GPHN: variants seen among roughly 807,000 people sequenced by gnomAD.
GPHN encodes gephyrin.
A neutral mutation model predicts 95.5 loss-of-function variants in GPHN; 17 were observed. The observed-to-expected ratio is 0.18, with a 90% CI of 0.12 to 0.27. The LOEUF is 0.27. GPHN is among the 10% of genes least tolerant of loss of function. The pLI is 1.00. For missense variants in GPHN, 660 were observed against 978.1 expected (o/e 0.67, Z 4.34); for synonymous variants, 320 against 322.5 (o/e 0.99, Z 0.08).
intron 10 of GPHN, among the ~76,000 whole-genome samples, 156 bp from the exon 11 acceptor site, chr14:67,058,493 G>C (rs1193210150): frequency 6.6e-6 from 1 of 152,220 alleles, no homozygotes; most frequent in African/African-American, 2.4e-5. Flanking sequence ...TGTTCCACCA[G>C]AGCAGGCTGT....
chr14:67,528,682 C>T, the GPHN span, among the ~76,000 whole-genome samples: 1 of 152,180 alleles, frequency 6.6e-6, no homozygotes, highest in Non-Finnish European at 1.5e-5. Flanking sequence ...CCATTAAGCC[C>T]CCATTCACCT....
chr14:67,226,648 A>G, the GPHN span, among the ~76,000 whole-genome samples: 1 of 144,178 alleles, frequency 6.9e-6, no homozygotes, highest in Non-Finnish European at 1.5e-5. Context: ...GGCGTGAGCC[A>G]CTGTGCCTGG....
the GPHN span, among the ~76,000 whole-genome samples, chr14:67,282,333 C>T: frequency 6.6e-6 from 1 of 152,130 alleles, no homozygotes; most frequent in African/African-American, 2.4e-5. Context: ...GCCTTTTTCA[C>T]ATCTAGAAAC....
chr14:66,752,286 C>T (rs944022393), intron 2 of GPHN, among the ~76,000 whole-genome samples: 7 of 152,094 alleles, frequency 4.6e-5, no homozygotes, highest in Admixed American at 1.3e-4. Flanking sequence ...TTTTCAAAAA[C>T]TTTCCCTTTG....
intron 2 of GPHN, among the ~76,000 whole-genome samples, chr14:66,765,826 G>A (rs2058944484): frequency 6.6e-6 from 1 of 151,962 alleles, no homozygotes; most frequent in South Asian, 2.1e-4. Flanking sequence ...TCTACATATA[G>A]TCATCTATTT....
At chr14:67,601,088 AAG>A in the GPHN span, among the ~76,000 whole-genome samples, 1 of 152,186 alleles carries the variant, frequency 6.6e-6, no homozygotes, top group African/African-American at 2.4e-5. Flanking sequence ...ATATGGAAAT[AAG>A]AGAGTATCGT....
chr14:67,562,544 G>A, the GPHN span: 2 of 1,608,984 alleles, frequency 1.2e-6, no homozygotes, highest in Non-Finnish European at 1.7e-6. Flanking sequence ...CAGGGAAGGT[G>A]GTCCTGGCAG....
intron 4 of GPHN, among the ~76,000 whole-genome samples, chr14:66,878,365 C>T (rs6573729): frequency 2.6e-5 from 4 of 151,756 alleles, no homozygotes; most frequent in Admixed American, 6.6e-5. Context: ...AATTGACAAA[C>T]GGGATCTAAT....
chr14:67,030,173 T>A (rs1207866858), intron 10 of GPHN, among the ~76,000 whole-genome samples: 1 of 152,136 alleles, frequency 6.6e-6, no homozygotes, highest in Non-Finnish European at 1.5e-5. Context: ...TTTCCAATTG[T>A]CTGTTGTAGA....
the GPHN span, among the ~76,000 whole-genome samples, chr14:67,567,971 G>C: frequency 3.3e-5 from 5 of 152,230 alleles, no homozygotes; most frequent in African/African-American, 1.2e-4. Context: ...AGCTCCTTTG[G>C]CCTGTGGCCT....
At chr14:67,645,595 CAT>C in the GPHN span, 1 of 1,583,768 alleles carries the variant, frequency 6.3e-7, no homozygotes. Context: ...TGTTATCGGT[CAT>C]GTTTGCCAAG....
chr14:66,859,078 A>T (rs2062918685), intron 4 of GPHN, among the ~76,000 whole-genome samples: 1 of 152,170 alleles, frequency 6.6e-6, no homozygotes, highest in Non-Finnish European at 1.5e-5. Flanking sequence ...GGGCTGGGAT[A>T]ACTCAACACC....
chr14:67,393,285 G>T, the GPHN span: 2 of 1,389,474 alleles, frequency 1.4e-6, no homozygotes, highest in Non-Finnish European at 2.1e-6. Flanking sequence ...CTCATCACGC[G>T]GGCAGGTATA....
the GPHN span, chr14:67,303,532 A>G: frequency 1.2e-5 from 19 of 1,612,996 alleles, no homozygotes; most frequent in Admixed American, 1.7e-5. Context: ...TCTGATATGC[A>G]TGGTACTTTG....
intron 4 of GPHN, among the ~76,000 whole-genome samples, chr14:66,839,187 A>C (rs1198846895): frequency 1.3e-5 from 2 of 152,220 alleles, no homozygotes; most frequent in African/African-American, 2.4e-5. Context: ...TTGTATGTAC[A>C]GTTTGAAAAT....
the GPHN span, among the ~76,000 whole-genome samples, chr14:67,683,177 G>C: frequency 6.6e-6 from 1 of 152,158 alleles, no homozygotes; most frequent in South Asian, 2.1e-4. Flanking sequence ...AATGAATTAA[G>C]AATCCATAGC....
intron 4 of GPHN, among the ~76,000 whole-genome samples, chr14:66,870,734 A>G (rs2063400241): frequency 6.6e-6 from 1 of 152,190 alleles, no homozygotes; most frequent in African/African-American, 2.4e-5. Flanking sequence ...CTCAAGGATA[A>G]CTTGATTCAC....
At chr14:66,814,240 TG>T (rs200040746) in intron 3 of GPHN, among the ~76,000 whole-genome samples, 6,589 of 152,036 alleles carry the variant, frequency 0.043, 187 homozygotes, top group Middle Eastern at 0.068. Flanking sequence ...CACTCTTATT[TG>T]AGGGGCACAG....
chr14:67,482,030 A>G, the GPHN span, among the ~76,000 whole-genome samples: 1 of 152,242 alleles, frequency 6.6e-6, no homozygotes, highest in Admixed American at 6.5e-5. Flanking sequence ...GCAGGGTTTC[A>G]TTGAACAACA....
Sources: allele counts gnomAD v4.1 joint callset (sites outside exome capture counted in the v4.1 genomes callset), GRCh38; gene constraint gnomAD v4.1.1; transcripts MANE v1.5; gene names NCBI Gene and HGNC (gene_info 2026-07-23, HGNC 2026-07-21).